Variants in GLP2R observed in about 807,000 individuals in gnomAD.
GLP2R encodes the protein glucagon-like peptide 2 receptor.
Under a neutral mutation model 68.2 loss-of-function variants are expected in GLP2R, and 59 were observed. That is an observed-to-expected ratio of 0.87 (90% CI 0.70 to 1.07). The LOEUF is 1.07. GLP2R is among the 50% of genes least tolerant of loss of function. The probability of loss-of-function intolerance (pLI) is 0.00; values close to 1 mark genes in which losing one functional copy is unlikely to be tolerated. For synonymous variants in GLP2R, 270 were observed against 265.4 expected (o/e 1.02, Z -0.17); for missense variants, 548 against 677.4 (o/e 0.81, Z 2.12).
Position 9,877,611 on chromosome 17 carries a change from C to G in GLP2R, c.1146-2767C>G, listed in dbSNP as rs564061291. ...ATGCTAACATTAGGGGAAACTATGC[C>G]GGGGGCGGTGGCTCAAACCTGTAAT... is the stretch of plus-strand genomic sequence containing the variant. On this transcript the variant is annotated intron_variant, in intron 10 of 12. Coordinates refer to ENST00000262441, the MANE Select transcript of GLP2R (RefSeq NM_004246.3). 2.6e-4 allele frequency among the ~76,000 whole-genome samples: 39 copies of G among 152,074 alleles called. No individual in the cohort carries two copies. In the South Asian group the frequency reaches 5.4e-3, roughly 21 times the overall value.
At chr17:9,834,040 C>T (rs137969454) in intron 2 of GLP2R, 146 bp downstream of exon 2, 37 of 703,554 alleles carry the variant, frequency 5.3e-5, no homozygotes, top group Admixed American at 2.0e-4. Context: ...GGCTTGTTTC[C>T]GCTCTGTAAT....
Position 9,862,073 on chromosome 17 carries a change from A to G in GLP2R, c.1039A>G (p.Met347Val), listed in dbSNP as rs768965075. The G allele has an allele frequency of 2.5e-6, 4 of 1,613,168 alleles. No individual in the cohort carries two copies. The Admixed American group carries it at 5.0e-5, about 20-fold the overall frequency. ...AATCTGGTGGATCATCCGAGGACCC[A>G]TGATGCTCTGTGTAACAGTAAGGAC... ...KKIWWIIRGP[M>V]MLCVTVNFFI... is the part of the protein sequence containing the mutation. Residue 347 changes from methionine to valine, a missense_variant, in exon 9 of 13, where the codon ATG (methionine) becomes GTG (valine). Transcript: ENST00000262441.
intron 1 of GLP2R, among the ~76,000 whole-genome samples, chr17:9,832,224 G>A (rs61408024): frequency 0.12 from 18,499 of 151,934 alleles, 1,254 homozygotes; most frequent in East Asian, 0.26. Flanking sequence ...GATCATTTGA[G>A]CCCAGGAATT....
At chr17:9,845,810 G>C (rs939735718) in intron 4 of GLP2R, among the ~76,000 whole-genome samples, 1 of 151,104 alleles carries the variant, frequency 6.6e-6, no homozygotes, top group African/African-American at 2.4e-5. Context: ...CAAAAACCTA[G>C]CTTTTTGTTA....
chr17:9,860,881 A>T (rs1311382436), intron 7 of GLP2R, among the ~76,000 whole-genome samples: 1 of 152,196 alleles, frequency 6.6e-6, no homozygotes, highest in Non-Finnish European at 1.5e-5. Flanking sequence ...GATTCGGGTT[A>T]ATATCCTTGG....
At chr17:9,871,620 A>T (rs1260746946) in intron 10 of GLP2R, among the ~76,000 whole-genome samples, 1 of 152,094 alleles carries the variant, frequency 6.6e-6, no homozygotes, top group Non-Finnish European at 1.5e-5. Context: ...CAGTCAGATC[A>T]TAGGTATTTA....
intron 2 of GLP2R, 76 bp downstream of exon 2, chr17:9,833,970 T>C: frequency 2.3e-6 from 2 of 886,846 alleles, no homozygotes; most frequent in South Asian, 2.7e-5. Context: ...CAATAACTAG[T>C]CACTTATTAC....
chr17:9,845,215 C>T (rs1417468451), intron 4 of GLP2R, among the ~76,000 whole-genome samples: 1 of 151,974 alleles, frequency 6.6e-6, no homozygotes. Flanking sequence ...CACACCACCA[C>T]ATCTGGTATT....
chr17:9,872,442 T>C (rs1206178625), intron 10 of GLP2R, among the ~76,000 whole-genome samples: 2 of 152,072 alleles, frequency 1.3e-5, no homozygotes, highest in African/African-American at 2.4e-5. Flanking sequence ...CTGGGTGTGG[T>C]GGTGTGTGCC....
chr17:9,843,724 G>C (rs2066809717), intron 4 of GLP2R, among the ~76,000 whole-genome samples: 2 of 152,214 alleles, frequency 1.3e-5, no homozygotes, highest in African/African-American at 4.8e-5. Context: ...AAAGTGCAAT[G>C]CAAGAGGCTG....
Position 9,854,547 on chromosome 17 carries a change from A to G in GLP2R, c.557A>G (p.Tyr186Cys). The change falls in exon 5 of 13, where the codon TAC becomes TGC. Residue 186 changes from tyrosine (Y) to cysteine (C), a missense_variant. Tyr to Cys is a radical substitution (Grantham distance 194). Transcript: ENST00000262441. The part of the protein sequence containing the change: ...STLQLMYTVG[Y>C]SFSLISLFLA... ...TTGCAGCTGATGTACACCGTGGGAT[A>G]CTCCTTCTCTCTTATCTCCCTCTTC... 1.9e-6 allele frequency: 3 copies of G among 1,610,982 alleles called. No individual in the cohort carries two copies. Among genetic ancestry groups the G allele is most frequent in the Non-Finnish European group, 2.5e-6 (3 of 1,177,888 alleles).
At chr17:9,836,548 C>A in intron 3 of GLP2R, 73 bp downstream of exon 3, 1 of 831,312 alleles carries the variant, frequency 1.2e-6, no homozygotes, top group Non-Finnish European at 2.1e-6. Flanking sequence ...CACAAACAGT[C>A]CCCGTCTAAG....
chr17:9,887,261 C>T (rs1468017458), intron 11 of GLP2R, among the ~76,000 whole-genome samples: 3 of 151,754 alleles, frequency 2.0e-5, no homozygotes, highest in Non-Finnish European at 2.9e-5. Context: ...GGCACAGTGG[C>T]TCATGCCTGT....
intron 11 of GLP2R, among the ~76,000 whole-genome samples, chr17:9,883,871 G>T (rs1239346637): frequency 6.6e-6 from 1 of 152,180 alleles, no homozygotes; most frequent in Non-Finnish European, 1.5e-5. Context: ...TGTCCTTCAT[G>T]CTGGAAGAAA....
rs887073161 is a variant in GLP2R at position 9,866,602 on chromosome 17, A to C, written c.1057-4145A>C. The C allele has an allele frequency of 3.3e-5, 5 of 152,364 alleles. 1 individual carries two copies. Among genetic ancestry groups the C allele is most frequent in the Admixed American group, 3.3e-4 (5 of 15,296 alleles). The allele number at this position is 152,364 out of a possible 1,614,324, so 9.4% of individuals were successfully genotyped here. The stretch of plus-strand genomic sequence containing the variant: ...TGGAATCAAATCTCCTGCCATGTAG[A>C]GCTTCCTTAGCACTGGAATCTCATT... On this transcript the variant is annotated intron_variant, in intron 9 of 12. Coordinates refer to ENST00000262441, the MANE Select transcript of GLP2R (RefSeq NM_004246.3).
intron 3 of GLP2R, among the ~76,000 whole-genome samples, chr17:9,841,651 G>A (rs2066788305): frequency 6.6e-6 from 1 of 152,184 alleles, no homozygotes; most frequent in African/African-American, 2.4e-5. Context: ...AAGAAAAAGG[G>A]TGTGGTTTGG....
rs1270431456 is a variant in GLP2R, at chr17:9,891,071, C to T, written c.*1366C>T. ...ATGTTGCTATGGGACTAAATACCAC[C>T]TTGTCTTCGGGGGAGTCAGTTTGAT... On this transcript the variant is annotated 3_prime_UTR_variant, in exon 13 of 13. Coordinates refer to ENST00000262441, the MANE Select transcript of GLP2R (RefSeq NM_004246.3). 1 of 152,076 alleles carries T rather than the reference C, an allele frequency of 6.6e-6. No homozygotes were observed. The highest frequency in any genetic ancestry group is 2.4e-5 in the African/African-American group (1 of 41,402). 9.4% of individuals were successfully genotyped at this position (152,076 alleles called of 1,614,324 possible). A position where few individuals can be genotyped will look rare whatever the true frequency, so the allele number is the denominator to read the frequency against.
chr17:9,852,721 C>T, intron 4 of GLP2R: 1 of 241,584 alleles, frequency 4.1e-6, no homozygotes, highest in Non-Finnish European at 8.1e-6. Flanking sequence ...GATTTTTGTG[C>T]ATTTTTGCCT....
intron 1 of GLP2R, among the ~76,000 whole-genome samples, chr17:9,829,281 A>G (rs917360800): frequency 6.6e-6 from 1 of 152,026 alleles, no homozygotes; most frequent in Non-Finnish European, 1.5e-5. Flanking sequence ...CCTTTTATAC[A>G]TGGATGGCAG....
Sources: allele counts gnomAD v4.1 joint callset (sites outside exome capture counted in the v4.1 genomes callset), GRCh38; gene constraint gnomAD v4.1.1; transcripts MANE v1.5; gene names NCBI Gene and HGNC (gene_info 2026-07-23, HGNC 2026-07-21).